NVL: variants seen among roughly 807,000 people sequenced by gnomAD.
NVL encodes the protein nuclear VCP like.
Under a neutral mutation model 110.2 loss-of-function variants are expected in NVL, and 84 were observed. The observed-to-expected ratio is 0.76, with a 90% CI of 0.64 to 0.91. NVL has a LOEUF of 0.91. Ranked by LOEUF, NVL falls within the 40% of genes least tolerant of loss-of-function variation. NVL has a pLI of 0.00. For missense variants in NVL, 882 were observed against 1,035.9 expected, an observed-to-expected ratio of 0.85 and a Z score of 2.04; for synonymous variants, 354 against 361.1, an observed-to-expected ratio of 0.98 and a Z score of 0.22.
Position 224,233,245 on chromosome 1 carries a change from G to A in NVL, c.2411C>T (p.Ala804Val). ...CTGTCTTGCCATTTCCTGTCTCAGG[G>A]CACAGATAGAAGCTTCTCGTACCAA... ...SALVREASIC[A>V]LRQEMARQKS... The change falls in exon 21 of 23, where the codon GCC becomes GTC. Residue 804 changes from alanine to valine, a missense_variant. By Grantham distance (64) the Ala-to-Val change is moderately conservative. Around this residue, in one of 4 missense-constraint regions of NVL, gnomAD observed 126 missense variants for 140.7 expected, o/e 0.90. Transcript: ENST00000281701. The A allele has an allele frequency of 3.7e-6, 6 of 1,612,616 alleles. No homozygotes were observed. Among genetic ancestry groups the A allele is most frequent in the Non-Finnish European group, 5.1e-6 (6 of 1,179,464 alleles).
chr1:224,311,172 C>G (rs961292711), intron 5 of NVL, among the ~76,000 whole-genome samples: 1 of 151,970 alleles, frequency 6.6e-6, no homozygotes, highest in African/African-American at 2.4e-5. Context: ...ATCCTCCCAC[C>G]TCAGCTTCCT....
rs548540440 is a variant in NVL, at chr1:224,303,923, A to G, written c.826-66T>C. On this transcript the variant is annotated intron_variant, in intron 8 of 22. Coordinates refer to ENST00000281701, the MANE Select transcript of NVL (RefSeq NM_002533.4). The stretch of plus-strand genomic sequence containing the variant: ...CAATCAAAGTAGAATGAAATGTCCT[A>G]TTTTTCGGAGCAGTGAAATGGAGTA... The G allele has an allele frequency of 5.3e-5, 80 of 1,508,598 alleles. 1 individual carries two copies. In the South Asian group the frequency reaches 8.0e-4, roughly 15 times the overall value. 93.5% of individuals were successfully genotyped at this position (1,508,598 alleles called of 1,614,324 possible).
intron 18 of NVL, among the ~76,000 whole-genome samples, chr1:224,252,222 C>T (rs1256239939): frequency 1.3e-5 from 2 of 152,084 alleles, no homozygotes; most frequent in Admixed American, 6.6e-5. Flanking sequence ...AAGGACACCT[C>T]TTTCAGGAAG....
chr1:224,236,889 C>T (rs1020689785), intron 19 of NVL, among the ~76,000 whole-genome samples: 4 of 152,084 alleles, frequency 2.6e-5, no homozygotes, highest in Admixed American at 1.3e-4. Context: ...CCAGCCTGGG[C>T]GACAGAGTGA....
chr1:224,289,946 G>A (rs769192506), intron 12 of NVL, among the ~76,000 whole-genome samples: 17 of 152,140 alleles, frequency 1.1e-4, no homozygotes, highest in Non-Finnish European at 2.2e-4. Context: ...TGCTTTGTTA[G>A]GAAACATGCT....
chr1:224,329,927 A>C, intron 1 of NVL, 144 bp downstream of exon 1: 6 of 784,144 alleles, frequency 7.7e-6, no homozygotes, highest in Non-Finnish European at 1.3e-5. Flanking sequence ...GCACCAACTA[A>C]GGAGAAACAG....
intron 17 of NVL, among the ~76,000 whole-genome samples, chr1:224,270,581 C>T (rs1229498602): frequency 1.3e-5 from 2 of 151,870 alleles, no homozygotes; most frequent in Non-Finnish European, 2.9e-5. Flanking sequence ...AACAAACAAA[C>T]AAAACCTATA....
Position 224,289,537 on chromosome 1 carries a change from A to G in NVL, c.1522T>C (p.Ser508Pro). 3.1e-6 allele frequency: 5 copies of G among 1,614,242 alleles called. No individual in the cohort carries two copies. The highest frequency in any genetic ancestry group is 3.4e-6 in the Non-Finnish European group (4 of 1,180,042). Reference protein sequence around the residue: ...KKNPEMEDLPSKGVQEERLGT... With the variant: ...KKNPEMEDLPPKGVQEERLGT... ...AGCCTTTCCTCCTGGACTCCTTTAGATGGCAAATCTTCCATTTCAGGATTT... is the reference window on the plus strand; with the variant it reads ...AGCCTTTCCTCCTGGACTCCTTTAGGTGGCAAATCTTCCATTTCAGGATTT... Residue 508 changes from serine to proline, a missense_variant, in exon 13 of 23, where the codon TCT becomes CCT. Ser to Pro is a moderately conservative substitution (Grantham distance 74). This residue lies in a region of NVL where 416 missense variants were observed against 499.3 expected (regional missense o/e 0.83). Transcript: ENST00000281701.
intron 19 of NVL, among the ~76,000 whole-genome samples, chr1:224,243,621 A>C (rs1167116819): frequency 6.6e-6 from 1 of 152,074 alleles, no homozygotes; most frequent in East Asian, 1.9e-4. Flanking sequence ...TAAGGGCTTA[A>C]TAAATGTTAG....
intron 15 of NVL, 100 bp from the exon 16 acceptor site, chr1:224,281,285 G>C: frequency 2.0e-6 from 1 of 497,360 alleles, no homozygotes; most frequent in Non-Finnish European, 3.2e-6. Flanking sequence ...CTCTGTGTGC[G>C]TGTGTGTGTG....
At chr1:224,231,336 T>C in intron 21 of NVL, 40 bp from the exon 22 acceptor site, 4 of 1,501,748 alleles carry the variant, frequency 2.7e-6, no homozygotes, top group African/African-American at 1.4e-5. Flanking sequence ...CTCAGTATCG[T>C]ATGGTAACTG....
At chr1:224,271,141 A>G (rs1018501062) in intron 17 of NVL, among the ~76,000 whole-genome samples, 30 of 152,214 alleles carry the variant, frequency 2.0e-4, no homozygotes, top group African/African-American at 7.2e-4. Flanking sequence ...CTATTATACA[A>G]TATCTATTTT....
intron 12 of NVL, among the ~76,000 whole-genome samples, chr1:224,290,759 G>A (rs1303595477): frequency 2.1e-5 from 3 of 145,428 alleles, no homozygotes; most frequent in African/African-American, 7.8e-5. Context: ...CTGAGATCAG[G>A]CCATTGCACT....
intron 10 of NVL, among the ~76,000 whole-genome samples, chr1:224,297,936 T>C (rs1362293877): frequency 6.6e-6 from 1 of 150,898 alleles, no homozygotes; most frequent in Non-Finnish European, 1.5e-5. Context: ...TAATCCCAGC[T>C]ACTCGGGAGG....
chr1:224,286,421 G>C (rs1052211671), intron 14 of NVL, among the ~76,000 whole-genome samples: 3 of 152,024 alleles, frequency 2.0e-5, no homozygotes, highest in Admixed American at 2.0e-4. Flanking sequence ...GGCCAGGCTG[G>C]TCTTGAACTC....
intron 19 of NVL, among the ~76,000 whole-genome samples, chr1:224,245,878 A>C (rs1187854954): frequency 6.7e-6 from 1 of 149,802 alleles, no homozygotes; most frequent in African/African-American, 2.4e-5. Flanking sequence ...TGGCCTCCCA[A>C]AGTGCTGGGA....
intron 18 of NVL, among the ~76,000 whole-genome samples, chr1:224,260,580 T>C (rs745921655): frequency 6.6e-5 from 10 of 152,136 alleles, no homozygotes; most frequent in Non-Finnish European, 1.2e-4. Context: ...ATTAAACGCT[T>C]AGAATGGGCA....
rs759951346 is a variant in NVL, at chr1:224,300,636, C to A, written c.988G>T (p.Ala330Ser). The A allele has an allele frequency of 1.2e-6, 2 of 1,613,860 alleles. No homozygotes were observed. The highest frequency in any genetic ancestry group is 1.7e-5 in the Admixed American group (1 of 60,000). ...ACTCCAGACACAATCTCTGGAGCAGCCACTTTCAAAATTGGCAGGTCAAGT... is the reference window on the plus strand; with the variant it reads ...ACTCCAGACACAATCTCTGGAGCAGACACTTTCAAAATTGGCAGGTCAAGT... The part of the protein sequence containing the change: ...GELDLPILKV[A>S]APEIVSGVSG... Residue 330 changes from alanine to serine, a missense_variant, in exon 10 of 23, where the codon GCT (alanine) becomes TCT (serine). Ala to Ser is a moderately conservative substitution (Grantham distance 99, BLOSUM62 1). Coordinates refer to ENST00000281701, the MANE Select transcript of NVL (RefSeq NM_002533.4).
chr1:224,319,820 T>C (rs1670468704), intron 2 of NVL, among the ~76,000 whole-genome samples: 1 of 152,152 alleles, frequency 6.6e-6, no homozygotes, highest in South Asian at 2.1e-4. Flanking sequence ...CAAATTAATT[T>C]ACAGTGGATC....
Sources: allele counts gnomAD v4.1 joint callset (sites outside exome capture counted in the v4.1 genomes callset), GRCh38; gene constraint gnomAD v4.1.1; regional missense constraint gnomAD v4.1.1; transcripts MANE v1.5; gene names NCBI Gene and HGNC (gene_info 2026-07-23, HGNC 2026-07-21).